COPG2: variants seen among roughly 807,000 people sequenced by gnomAD.
COPG2 encodes coatomer subunit gamma-2.
In COPG2, 37 loss-of-function variants were observed where a neutral mutation model predicts 46.3. The observed-to-expected ratio is 0.80, with a 90% CI of 0.61 to 1.05. COPG2 has a LOEUF of 1.05. Ranked by LOEUF, COPG2 falls within the 50% of genes least tolerant of loss-of-function variation. The pLI, the probability that COPG2 is intolerant of heterozygous loss-of-function variation, is 0.00. For missense variants in COPG2, 427 were observed against 387.8 expected (o/e 1.10, Z -0.85); for synonymous variants, 159 against 129.7 (o/e 1.23, Z -1.53).
chr7:130,547,398 CTTT>C (rs1793462299), intron 20 of COPG2: 5 of 319,320 alleles, frequency 1.6e-5, no homozygotes. Context: ...GCTTGAGTTC[CTTT>C]TTGTGCTACT....
chr7:130,572,047 A>T (rs556114773), intron 9 of COPG2, among the ~76,000 whole-genome samples: 9 of 152,144 alleles, frequency 5.9e-5, no homozygotes, highest in Admixed American at 2.6e-4. Context: ...AGCTATGAGG[A>T]CGCAAAGGCA....
intron 5 of COPG2, among the ~76,000 whole-genome samples, chr7:130,646,973 ATATATATATG>A: frequency 1.1e-5 from 1 of 88,466 alleles, no homozygotes; most frequent in South Asian, 3.1e-4. Flanking sequence ...ATATATGTGT[ATATATATATG>A]TATATATATA....
intron 17 of COPG2, 140 bp from the exon 18 acceptor site, chr7:130,549,516 T>C (rs1793501146): frequency 2.5e-6 from 1 of 396,448 alleles, no homozygotes; most frequent in Non-Finnish European, 4.4e-6. Context: ...AGGTTATCTA[T>C]CACTTCTGGT....
intron 9 of COPG2, among the ~76,000 whole-genome samples, chr7:130,580,307 GAC>G: frequency 7.0e-6 from 1 of 143,076 alleles, no homozygotes. Context: ...CGAGAACAAA[GAC>G]ACAACATACC....
At chr7:130,668,424 G>A (rs1285847399) in intron 1 of COPG2, among the ~76,000 whole-genome samples, 75 of 148,850 alleles carry the variant, frequency 5.0e-4, no homozygotes, top group Non-Finnish European at 9.3e-4. Context: ...GGGAGCGCGC[G>A]GCCCGAAGGG....
intron 5 of COPG2, among the ~76,000 whole-genome samples, chr7:130,621,042 A>T (rs1050864912): frequency 7.2e-5 from 11 of 152,244 alleles, no homozygotes; most frequent in African/African-American, 2.7e-4. Context: ...AAATGTAATC[A>T]CAAGTGTCCC....
chr7:130,518,203 C>A (rs965322009), intron 20 of COPG2, among the ~76,000 whole-genome samples: 1 of 151,962 alleles, frequency 6.6e-6, no homozygotes, highest in Non-Finnish European at 1.5e-5. Context: ...GGGAGTGATA[C>A]CGAGGAAGTC....
chr7:130,654,833 TTTTGTTTG>T (rs71178600), intron 4 of COPG2, among the ~76,000 whole-genome samples: 6 of 151,416 alleles, frequency 4.0e-5, no homozygotes, highest in Non-Finnish European at 8.9e-5. Context: ...CCCTGGGTTT[TTTTGTTTG>T]TTTGTTTGTT....
intron 20 of COPG2, among the ~76,000 whole-genome samples, chr7:130,537,543 CAGGAGCT>C (rs1382706597): frequency 5.3e-5 from 8 of 150,360 alleles, no homozygotes; most frequent in African/African-American, 2.0e-4. Context: ...AACCTGGGCC[CAGGAGCT>C]GGGAGCTGGG....
At chr7:130,520,695 A>G (rs1799716561) in intron 20 of COPG2, among the ~76,000 whole-genome samples, 1 of 152,202 alleles carries the variant, frequency 6.6e-6, no homozygotes, top group Admixed American at 6.5e-5. Flanking sequence ...TATTCCTGTC[A>G]TCTTCTCCAT....
At chr7:130,517,469 T>C (rs1232483773) in intron 20 of COPG2, among the ~76,000 whole-genome samples, 8 of 152,216 alleles carry the variant, frequency 5.3e-5, no homozygotes, top group African/African-American at 1.9e-4. Flanking sequence ...CTTGATGCTG[T>C]AGGTAGAAAT....
chr7:130,665,696 T>A (rs1030149997), intron 3 of COPG2, among the ~76,000 whole-genome samples: 1 of 152,092 alleles, frequency 6.6e-6, no homozygotes, highest in Non-Finnish European at 1.5e-5. Context: ...TATGAGGGAC[T>A]TGAGCATCTA....
At chr7:130,572,783 T>C (rs919973664) in intron 9 of COPG2, among the ~76,000 whole-genome samples, 1 of 151,916 alleles carries the variant, frequency 6.6e-6, no homozygotes, top group Non-Finnish European at 1.5e-5. Context: ...ATCAATAACC[T>C]AGGCTTCCAC....
At chr7:130,637,049 C>T (rs1370804210) in intron 5 of COPG2, among the ~76,000 whole-genome samples, 3 of 152,158 alleles carry the variant, frequency 2.0e-5, no homozygotes, top group African/African-American at 7.2e-5. Context: ...TGAATATTGG[C>T]CCCCACTCTC....
At chr7:130,662,299 A>C (rs1020124775) in intron 4 of COPG2, among the ~76,000 whole-genome samples, 1 of 152,232 alleles carries the variant, frequency 6.6e-6, no homozygotes, top group Non-Finnish European at 1.5e-5. Flanking sequence ...CTGGGGGTTG[A>C]CACAAAATGT....
At chr7:130,666,818 C>T (rs781982509) in intron 3 of COPG2, 31 bp downstream of exon 3, 1 of 965,398 alleles carries the variant, frequency 1.0e-6, no homozygotes, top group Non-Finnish European at 1.6e-6. Flanking sequence ...TTCCAGGACA[C>T]ACTTATCTGA....
intron 5 of COPG2, among the ~76,000 whole-genome samples, chr7:130,631,883 GA>G (rs1378965137): frequency 1.3e-5 from 2 of 151,938 alleles, no homozygotes; most frequent in Non-Finnish European, 2.9e-5. Flanking sequence ...TCATCCTGGT[GA>G]AAAAAATCCC....
In COPG2 at chr7:130,651,393, C is replaced by T. The variant is rs576879621; in HGVS notation, c.323+1476G>A. Among the ~76,000 whole-genome samples the T allele has an allele frequency of 2.6e-4, 39 of 151,456 alleles. 1 individual carries two copies. In the South Asian group the frequency reaches 6.9e-3, roughly 27 times the overall value. On this transcript the variant is annotated intron_variant, in intron 5 of 23. Coordinates refer to ENST00000425248, the MANE Select transcript of COPG2 (RefSeq NM_012133.6). ...GTGCAGTGGCACGATCTCGGCTCAC[C>T]GCAATCTCCACCTCCCAGGCTCCAG...
At chr7:130,535,696 A>C (rs1211096464) in intron 20 of COPG2, among the ~76,000 whole-genome samples, 32 of 20,154 alleles carry the variant, frequency 1.6e-3, no homozygotes, top group African/African-American at 5.4e-3. Flanking sequence ...TGGGTGGGGC[A>C]GGGTTAGGGG....
Sources: allele counts gnomAD v4.1 joint callset (sites outside exome capture counted in the v4.1 genomes callset), GRCh38; gene constraint gnomAD v4.1.1; transcripts MANE v1.5; gene names NCBI Gene and HGNC (gene_info 2026-07-23, HGNC 2026-07-21).